ADGRB3: variants seen among roughly 807,000 people sequenced by gnomAD.
ADGRB3 encodes the protein adhesion G protein-coupled receptor B3.
Under a neutral mutation model 193.4 loss-of-function variants are expected in ADGRB3, and 37 were observed. That is an observed-to-expected ratio of 0.19 (90% CI 0.15 to 0.25). The LOEUF is 0.25. Ranked by LOEUF, ADGRB3 falls within the 10% of genes least tolerant of loss-of-function variation. The pLI is 1.00. For synonymous variants in ADGRB3, 690 were observed against 644.2 expected (o/e 1.07, Z -1.08); for missense variants, 1,637 against 1,852.9 (o/e 0.88, Z 2.14).
chr6:68,809,608 A>G (rs1363477583), intron 3 of ADGRB3, among the ~76,000 whole-genome samples: 2 of 152,202 alleles, frequency 1.3e-5, no homozygotes, highest in East Asian at 3.8e-4. Flanking sequence ...ATTTTTGTCT[A>G]GTGAAAAACT....
At chr6:68,661,526 T>C (rs995910777) in intron 3 of ADGRB3, among the ~76,000 whole-genome samples, 1 of 108,352 alleles carries the variant, frequency 9.2e-6, no homozygotes, top group Non-Finnish European at 1.8e-5. Flanking sequence ...TATACATATA[T>C]ATATGTGTAT....
At chr6:69,194,110 A>G (rs1582534703) in intron 17 of ADGRB3, among the ~76,000 whole-genome samples, 1 of 151,834 alleles carries the variant, frequency 6.6e-6, no homozygotes, top group Non-Finnish European at 1.5e-5. Context: ...TTCTCTATTT[A>G]CCTCCGGTGT....
In ADGRB3 at chr6:68,727,654, A is replaced by AT. The variant is rs965669336; in HGVS notation, c.757+88229dup. Reference sequence around the variant, plus strand: ...TGTGAGGCATCACTACAGTTTTATAATTTTTTTCACTGAGTCTTTCTCAAT... The same window carrying AT: ...TGTGAGGCATCACTACAGTTTTATAATTTTTTTTCACTGAGTCTTTCTCAAT... On this transcript the variant is annotated intron_variant, in intron 3 of 31. Transcript: ENST00000370598. Among the ~76,000 whole-genome samples the AT allele has an allele frequency of 6.1e-4, 93 of 151,534 alleles. 1 individual carries two copies. The highest frequency in any genetic ancestry group is 2.1e-3 in the African/African-American group (88 of 41,434).
At chr6:68,701,125 A>G (rs1033436809) in intron 3 of ADGRB3, among the ~76,000 whole-genome samples, 13 of 151,710 alleles carry the variant, frequency 8.6e-5, no homozygotes, top group Middle Eastern at 3.4e-3. Flanking sequence ...TATAAAAAGC[A>G]CTTCAAAATG....
chr6:69,374,091 G>A (rs1338442456), intron 30 of ADGRB3, among the ~76,000 whole-genome samples: 2 of 151,998 alleles, frequency 1.3e-5, no homozygotes, highest in African/African-American at 4.8e-5. Flanking sequence ...CCCCGGACAT[G>A]TCTTTAGCTC....
At chr6:69,358,937 T>A (rs1023358935) in intron 28 of ADGRB3, among the ~76,000 whole-genome samples, 35 of 151,412 alleles carry the variant, frequency 2.3e-4, no homozygotes, top group South Asian at 6.2e-4. Flanking sequence ...ATATATATAT[T>A]TTTTTTCAGC....
intron 3 of ADGRB3, among the ~76,000 whole-genome samples, chr6:68,905,182 C>T (rs1673175311): frequency 6.6e-6 from 1 of 152,074 alleles, no homozygotes; most frequent in Non-Finnish European, 1.5e-5. Flanking sequence ...TTTTAATAGT[C>T]CCCAAAAGTA....
intron 3 of ADGRB3, among the ~76,000 whole-genome samples, chr6:68,865,114 A>G (rs369331863): frequency 2.0e-5 from 3 of 152,164 alleles, no homozygotes; most frequent in East Asian, 3.9e-4. Context: ...ATATTCAAAA[A>G]TATAATAAAA....
chr6:69,110,147 C>T (rs975084050), intron 17 of ADGRB3, among the ~76,000 whole-genome samples: 3 of 151,840 alleles, frequency 2.0e-5, no homozygotes, highest in South Asian at 4.2e-4. Flanking sequence ...GGGGTTTTAC[C>T]GACTTGGCCA....
chr6:69,232,752 G>A, intron 17 of ADGRB3: 1 of 806,302 alleles, frequency 1.2e-6, no homozygotes, highest in Non-Finnish European at 1.9e-6. Context: ...TCTAAAAGGA[G>A]GAAAAATCCC....
chr6:68,705,121 G>A (rs1056587102), intron 3 of ADGRB3, among the ~76,000 whole-genome samples: 1 of 151,956 alleles, frequency 6.6e-6, no homozygotes, highest in South Asian at 2.1e-4. Context: ...TTATTATTAG[G>A]CACCAACTTT....
chr6:68,696,253 T>A (rs1214023698), intron 3 of ADGRB3, among the ~76,000 whole-genome samples: 2 of 152,062 alleles, frequency 1.3e-5, no homozygotes, highest in African/African-American at 4.8e-5. Context: ...TGGAATCAAA[T>A]GCTTATTTTG....
Position 69,360,920 on chromosome 6 carries a change from T to C in ADGRB3, c.3647T>C (p.Leu1216Pro), listed in dbSNP as rs1305578976. 1.9e-6 allele frequency: 3 copies of C among 1,612,220 alleles called. No individual in the cohort carries two copies. The highest frequency in any genetic ancestry group is 1.7e-5 in the Admixed American group (1 of 59,800). Residue 1216 changes from leucine (L) to proline (P), a missense_variant, in exon 29 of 32, where the codon CTT becomes CCT. Leu to Pro is a moderately conservative substitution (Grantham distance 98). Transcript: ENST00000370598. ...PCRAATITGTLSRISLNDDEE... is the reference protein window; with the variant it reads ...PCRAATITGTPSRISLNDDEE... ...CGAGCAGCCACAATAACAGGAACAC[T>C]TTCTAGGATTTCTCTAAATGATGAT...
At chr6:69,247,229 A>G (rs551110713) in intron 20 of ADGRB3, among the ~76,000 whole-genome samples, 1 of 152,294 alleles carries the variant, frequency 6.6e-6, no homozygotes, top group African/African-American at 2.4e-5. Context: ...TTATGAGATT[A>G]ATTCCATGTT....
intron 17 of ADGRB3, among the ~76,000 whole-genome samples, chr6:69,182,644 G>A (rs1775619050): frequency 6.6e-6 from 1 of 151,818 alleles, no homozygotes; most frequent in South Asian, 2.1e-4. Context: ...CATTACTTGA[G>A]GCAAATTGAG....
intron 20 of ADGRB3, among the ~76,000 whole-genome samples, chr6:69,313,800 A>G (rs7743172): frequency 0.016 from 2,360 of 151,834 alleles, 57 homozygotes; most frequent in African/African-American, 0.054. Flanking sequence ...GTACAACATG[A>G]TGTTTTGAAA....
chr6:69,078,787 G>T (rs78662707), intron 17 of ADGRB3, among the ~76,000 whole-genome samples: 3 of 151,534 alleles, frequency 2.0e-5, no homozygotes, highest in Admixed American at 6.6e-5. Context: ...TCTTATTTTC[G>T]TTTGGTTACC....
intron 13 of ADGRB3, among the ~76,000 whole-genome samples, chr6:69,020,998 G>T (rs546164396): frequency 6.6e-6 from 1 of 151,876 alleles, no homozygotes; most frequent in Non-Finnish European, 1.5e-5. Flanking sequence ...GACATAAATA[G>T]AGACTATTTT....
intron 3 of ADGRB3, among the ~76,000 whole-genome samples, chr6:68,648,742 C>A (rs1213127402): frequency 6.7e-6 from 1 of 148,570 alleles, no homozygotes; most frequent in East Asian, 2.0e-4. Flanking sequence ...CATTTCATGA[C>A]ATTTCTCCTG....
Sources: allele counts gnomAD v4.1 joint callset (sites outside exome capture counted in the v4.1 genomes callset), GRCh38; gene constraint gnomAD v4.1.1; transcripts MANE v1.5; gene names NCBI Gene and HGNC (gene_info 2026-07-23, HGNC 2026-07-21).